The following SEMA6D variants were observed in gnomAD, a reference collection of about 807,000 sequenced individuals.
The protein encoded by SEMA6D is semaphorin 6D, also known as semaphorin-6D.
A neutral mutation model predicts 106.6 loss-of-function variants in SEMA6D; 35 were observed. That is an observed-to-expected ratio of 0.33 (90% CI 0.25 to 0.44). The LOEUF (loss-of-function observed/expected upper bound fraction) is 0.44, where lower values mean the gene tolerates loss of function less well. Among genes scored for constraint, SEMA6D ranks in the 20% least tolerant of loss-of-function variants. The pLI is 1.00. For missense variants in SEMA6D, 1,185 were observed against 1,345.9 expected, an observed-to-expected ratio of 0.88 and a Z score of 1.87; for synonymous variants, 499 against 487.7, an observed-to-expected ratio of 1.02 and a Z score of -0.31.
intron 3 of SEMA6D, among the ~76,000 whole-genome samples, chr15:47,540,446 G>A (rs75502513): frequency 2.0e-5 from 3 of 151,726 alleles, no homozygotes; most frequent in African/African-American, 7.3e-5. Flanking sequence ...AAAAAAAAAA[G>A]CATGCATTTA....
rs528215212 is a variant in SEMA6D at position 47,532,281 on chromosome 15, A to C, written c.-87+61736A>C. 1.7e-4 allele frequency among the ~76,000 whole-genome samples: 26 copies of C among 152,322 alleles called. 1 individual carries two copies. The South Asian group carries it at 3.7e-3, about 22-fold the overall frequency. On this transcript the variant is annotated intron_variant, in intron 3 of 19. Transcript: ENST00000558014. The stretch of plus-strand genomic sequence containing the variant: ...CATCAAAACAAAAACAAAACCAAAA[A>C]ACTGTCAATGAATAAAGACATTTAT...
At chr15:47,407,406 CAACAAAAAA>C (rs1240853956) in intron 1 of SEMA6D, among the ~76,000 whole-genome samples, 100 of 105,836 alleles carry the variant, frequency 9.4e-4, no homozygotes, top group South Asian at 4.5e-3. Context: ...ACAACAACAA[CAACAAAAAA>C]AACAAAAAAA....
chr15:47,396,707 C>G (rs1256250620), intron 1 of SEMA6D: 1 of 152,210 alleles, frequency 6.6e-6, no homozygotes, highest in African/African-American at 2.4e-5. Flanking sequence ...TCCCAGTCCA[C>G]TGACTCAAAT....
chr15:47,375,491 T>C (rs2039418342), intron 1 of SEMA6D, among the ~76,000 whole-genome samples: 3 of 152,212 alleles, frequency 2.0e-5, no homozygotes, highest in Admixed American at 6.5e-5. Flanking sequence ...CTTGTTTTAC[T>C]TTTTTTCCTT....
At chr15:47,410,722 T>C (rs1302461787) in intron 1 of SEMA6D, among the ~76,000 whole-genome samples, 1 of 152,118 alleles carries the variant, frequency 6.6e-6, no homozygotes, top group African/African-American at 2.4e-5. Flanking sequence ...TCAGAATCTT[T>C]AGGAAGTAAG....
intron 1 of SEMA6D, among the ~76,000 whole-genome samples, chr15:47,200,201 A>G (rs1258466066): frequency 6.6e-6 from 1 of 152,162 alleles, no homozygotes; most frequent in Non-Finnish European, 1.5e-5. Flanking sequence ...TGTGGAAATC[A>G]CAAGACTCCA....
intron 1 of SEMA6D, among the ~76,000 whole-genome samples, chr15:47,335,758 AG>A (rs887566465): frequency 2.0e-5 from 3 of 152,164 alleles, no homozygotes; most frequent in African/African-American, 7.2e-5. Flanking sequence ...GAAGAGAAAA[AG>A]GGGAGAGTCA....
At chr15:47,536,840 A>G (rs1039754594) in intron 3 of SEMA6D, among the ~76,000 whole-genome samples, 1 of 152,282 alleles carries the variant, frequency 6.6e-6, no homozygotes, top group African/African-American at 2.4e-5. Context: ...ATAACTTTAA[A>G]AGTTACCCAA....
At chr15:47,269,813 C>T (rs981912075) in intron 1 of SEMA6D, among the ~76,000 whole-genome samples, 2 of 151,936 alleles carry the variant, frequency 1.3e-5, no homozygotes, top group African/African-American at 2.4e-5. Context: ...TAAATCCTTC[C>T]AAGTAAAAGC....
At chr15:47,250,169 A>G (rs2033430738) in intron 1 of SEMA6D, among the ~76,000 whole-genome samples, 3 of 152,188 alleles carry the variant, frequency 2.0e-5, no homozygotes, top group South Asian at 4.1e-4. Flanking sequence ...CCTGAAACAC[A>G]GGAATGATTG....
At chr15:47,498,515 A>G (rs566933795) in intron 3 of SEMA6D, among the ~76,000 whole-genome samples, 1 of 152,242 alleles carries the variant, frequency 6.6e-6, no homozygotes, top group East Asian at 1.9e-4. Flanking sequence ...GAGGAATTTC[A>G]GGAGTCCACA....
chr15:47,559,973 A>C (rs1200504628), intron 3 of SEMA6D, among the ~76,000 whole-genome samples: 1 of 152,168 alleles, frequency 6.6e-6, no homozygotes, highest in Non-Finnish European at 1.5e-5. Context: ...TAGACTAAAA[A>C]TAAAACAAAA....
chr15:47,733,193 T>A (rs935910323), intron 1 of SEMA6D, among the ~76,000 whole-genome samples: 6 of 152,224 alleles, frequency 3.9e-5, no homozygotes, highest in African/African-American at 9.6e-5. Context: ...CACTTTTTTT[T>A]AATCTTTCTT....
intron 3 of SEMA6D, among the ~76,000 whole-genome samples, chr15:47,539,769 C>A (rs1361867689): frequency 6.6e-6 from 1 of 152,140 alleles, no homozygotes; most frequent in Non-Finnish European, 1.5e-5. Flanking sequence ...GTGCTTAGCA[C>A]TGTGGGAAGC....
At chr15:47,573,706 A>G (rs2142943031) in intron 3 of SEMA6D, among the ~76,000 whole-genome samples, 1 of 152,328 alleles carries the variant, frequency 6.6e-6, no homozygotes, top group Non-Finnish European at 1.5e-5. Context: ...CTGAATATCA[A>G]TCAGCTGGAC....
At chr15:47,247,919 G>A (rs1245383603) in intron 1 of SEMA6D, among the ~76,000 whole-genome samples, 1 of 152,146 alleles carries the variant, frequency 6.6e-6, no homozygotes, top group Non-Finnish European at 1.5e-5. Context: ...GGCAAGGGAA[G>A]GATTTTTAAT....
intron 4 of SEMA6D, among the ~76,000 whole-genome samples, chr15:47,683,600 A>G (rs965781656): frequency 2.6e-5 from 4 of 152,184 alleles, no homozygotes; most frequent in African/African-American, 7.2e-5. Flanking sequence ...ATTTGGTTAT[A>G]TATCTTGTCT....
chr15:47,207,346 C>T (rs868775580), intron 1 of SEMA6D, among the ~76,000 whole-genome samples: 1 of 152,138 alleles, frequency 6.6e-6, no homozygotes, highest in South Asian at 2.1e-4. Flanking sequence ...TGCTATATCT[C>T]CCATTTACAA....
chr15:47,300,936 T>C (rs1322778761), intron 1 of SEMA6D, among the ~76,000 whole-genome samples: 1 of 152,198 alleles, frequency 6.6e-6, no homozygotes, highest in Non-Finnish European at 1.5e-5. Context: ...CTGCATCTTA[T>C]TGCCTGCAAG....
Sources: gnomAD v4.1 joint callset for allele counts (sites outside exome capture counted in the v4.1 genomes callset) on GRCh38, gnomAD v4.1.1 for gene constraint, MANE v1.5 for transcripts, NCBI Gene and HGNC (gene_info 2026-07-23, HGNC 2026-07-21) for gene names.